MDH1: variants seen among roughly 807,000 people sequenced by gnomAD.
The protein encoded by MDH1 is malate dehydrogenase, cytoplasmic.
A neutral mutation model predicts 38.7 loss-of-function variants in MDH1; 15 were observed. The observed-to-expected ratio is 0.39, with a 90% CI of 0.26 to 0.60. MDH1 has a LOEUF of 0.60. Ranked by LOEUF, MDH1 falls within the 20% of genes least tolerant of loss-of-function variation. MDH1 has a pLI of 0.56. For synonymous variants in MDH1, 144 were observed against 143.6 expected, an observed-to-expected ratio of 1.00 and a Z score of -0.02; for missense variants, 368 against 405.2, an observed-to-expected ratio of 0.91 and a Z score of 0.79.
intron 1 of MDH1, chr2:63,594,173 G>T: frequency 4.0e-6 from 2 of 496,216 alleles, no homozygotes; most frequent in Middle Eastern, 3.3e-4. Flanking sequence ...TCTAGTGGCT[G>T]CCAGGGTTTG....
At chr2:63,599,080 T>C in intron 4 of MDH1, 90 bp from the exon 5 acceptor site, 1 of 1,354,788 alleles carries the variant, frequency 7.4e-7, no homozygotes, top group Non-Finnish European at 1.0e-6. Context: ...GTACAAAGGC[T>C]ACCTGTTAGA....
intron 2 of MDH1, 184 bp downstream of exon 2, chr2:63,594,770 A>G (rs1709273340): frequency 3.9e-6 from 2 of 515,540 alleles, no homozygotes; most frequent in Non-Finnish European, 6.9e-6. Flanking sequence ...AGGCACTGAA[A>G]ACACTTTGCA....
At chr2:63,604,611 T>C in intron 5 of MDH1, 85 bp from the exon 6 acceptor site, 1 of 1,055,892 alleles carries the variant, frequency 9.5e-7, no homozygotes, top group Admixed American at 2.5e-5. Context: ...TTTTTATCTT[T>C]ATTTAAGGGC....
chr2:63,603,319 T>C (rs545321543), intron 5 of MDH1, among the ~76,000 whole-genome samples: 1 of 152,350 alleles, frequency 6.6e-6, no homozygotes, highest in African/African-American at 2.4e-5. Context: ...ACCCTTATTT[T>C]AAAATTTTCC....
chr2:63,601,956 A>C (rs1709426973), intron 5 of MDH1, among the ~76,000 whole-genome samples: 1 of 152,194 alleles, frequency 6.6e-6, no homozygotes, highest in Admixed American at 6.5e-5. Flanking sequence ...CAGACGTAAA[A>C]AATGGTACTC....
intron 7 of MDH1, 31 bp downstream of exon 7, chr2:63,605,424 CTA>C (rs768919828): frequency 1.4e-6 from 2 of 1,450,976 alleles, no homozygotes; most frequent in Non-Finnish European, 1.9e-6. Flanking sequence ...ACAGGTCACT[CTA>C]TTTTATTTTT....
intron 5 of MDH1, among the ~76,000 whole-genome samples, chr2:63,602,406 CA>C (rs1415078378): frequency 7.9e-6 from 1 of 126,030 alleles, no homozygotes; most frequent in East Asian, 2.6e-4. Flanking sequence ...TCAAAAGTCG[CA>C]AAAAAATAGT....
chr2:63,605,484 C>A, intron 7 of MDH1, 91 bp downstream of exon 7: 1 of 932,144 alleles, frequency 1.1e-6, no homozygotes, highest in Non-Finnish European at 1.7e-6. Context: ...AGCAGTCAGT[C>A]AGGTTAGGTT....
Position 63,599,433 on chromosome 2 carries a change from T to G in MDH1, c.498+141T>G, listed in dbSNP as rs911267911. 7 of 800,336 alleles carry G rather than the reference T, an allele frequency of 8.7e-6. No homozygotes were observed. In the African/African-American group the frequency reaches 1.2e-4, roughly 14 times the overall value. 49.6% of individuals were successfully genotyped at this position (800,336 alleles called of 1,614,324 possible). A position where few individuals can be genotyped will look rare whatever the true frequency, so the allele number is the denominator to read the frequency against. ...CCTATTACTTTTATTAAATTAAAAG[T>G]AAATTATTATTCATTTGTTAGGGAG... On this transcript the variant is annotated intron_variant, in intron 5 of 8. Coordinates refer to ENST00000233114, the MANE Select transcript of MDH1 (RefSeq NM_005917.4).
At chr2:63,601,999 A>C (rs1709427868) in intron 5 of MDH1, among the ~76,000 whole-genome samples, 1 of 152,234 alleles carries the variant, frequency 6.6e-6, no homozygotes, top group South Asian at 2.1e-4. Context: ...CCTATCCCAC[A>C]GGCTAAGCAG....
intron 5 of MDH1, chr2:63,600,067 G>A (rs1481840061): frequency 6.6e-6 from 1 of 152,098 alleles, no homozygotes; most frequent in East Asian, 1.9e-4. Context: ...ATAGGTCTAT[G>A]AGTTCAGTGC....
intron 1 of MDH1, 64 bp downstream of exon 1, chr2:63,589,110 C>G: frequency 4.3e-6 from 7 of 1,614,138 alleles, no homozygotes; most frequent in Non-Finnish European, 5.9e-6. Flanking sequence ...GGGTTTCTTG[C>G]ACTTTAGGGA....
intron 1 of MDH1, chr2:63,589,812 T>A: frequency 4.3e-6 from 1 of 233,178 alleles, no homozygotes; most frequent in Non-Finnish European, 8.7e-6. Flanking sequence ...GTGAAGGAAC[T>A]CTGGCGTAGG....
intron 5 of MDH1, chr2:63,599,762 CTTT>C (rs1709386886): frequency 2.6e-5 from 4 of 152,340 alleles, no homozygotes; most frequent in Admixed American, 2.6e-4. Context: ...CATTTTATGT[CTTT>C]TTAATATTCT....
chr2:63,589,463 C>A, intron 1 of MDH1: 2 of 1,400,766 alleles, frequency 1.4e-6, no homozygotes, highest in South Asian at 1.2e-5. Context: ...CGGCTTTTGT[C>A]ACAGGGACCT....
intron 4 of MDH1, 63 bp downstream of exon 4, chr2:63,597,637 A>G (rs1709342937): frequency 1.5e-6 from 2 of 1,314,948 alleles, no homozygotes; most frequent in African/African-American, 1.5e-5. Flanking sequence ...TGCTTTTAGC[A>G]TTTAAGCAAA....
chr2:63,594,959 C>T (rs528592474), intron 2 of MDH1: 7 of 248,240 alleles, frequency 2.8e-5, no homozygotes, highest in East Asian at 2.3e-4. Context: ...TCTGCTTCCC[C>T]GCTGAAGCAG....
At chr2:63,596,067 G>T (rs1162077390) in intron 3 of MDH1, among the ~76,000 whole-genome samples, 5 of 152,128 alleles carry the variant, frequency 3.3e-5, no homozygotes, top group Non-Finnish European at 7.4e-5. Flanking sequence ...AAACCCAGAA[G>T]AGCTCAGCTA....
At chr2:63,601,273 GT>G (rs1229714596) in intron 5 of MDH1, among the ~76,000 whole-genome samples, 1 of 152,178 alleles carries the variant, frequency 6.6e-6, no homozygotes, top group Admixed American at 6.5e-5. Context: ...CCAAAGATAA[GT>G]TTTTCTTACA....
Sources: gnomAD v4.1 joint callset for allele counts (sites outside exome capture counted in the v4.1 genomes callset) on GRCh38, gnomAD v4.1.1 for gene constraint, MANE v1.5 for transcripts, NCBI Gene and HGNC (gene_info 2026-07-23, HGNC 2026-07-21) for gene names.